The following ZNF521 variants were observed in gnomAD, a reference collection of about 807,000 sequenced individuals.
ZNF521 encodes zinc finger protein 521, also known as LYST-interacting protein 3.
Under a neutral mutation model 105.5 loss-of-function variants are expected in ZNF521, and 14 were observed. The ratio of observed to expected loss-of-function variants is 0.13; its 90% CI spans 0.09 to 0.21. The LOEUF (loss-of-function observed/expected upper bound fraction) is 0.21. ZNF521 is among the 10% of genes least tolerant of loss of function. ZNF521 has a pLI of 1.00. For synonymous variants in ZNF521, 635 were observed against 606.0 expected (o/e 1.05, Z -0.70); for missense variants, 1,233 against 1,629.7 (o/e 0.76, Z 4.19).
chr18:25,266,949 G>A (rs930872122), intron 3 of ZNF521, among the ~76,000 whole-genome samples: 2 of 152,168 alleles, frequency 1.3e-5, no homozygotes, highest in African/African-American at 4.8e-5. Context: ...CCTGGAAAGT[G>A]GGCTGAAGCC....
chr18:25,194,937 C>T (rs1243581384), intron 5 of ZNF521, among the ~76,000 whole-genome samples: 2 of 151,420 alleles, frequency 1.3e-5, no homozygotes, highest in East Asian at 1.9e-4. Flanking sequence ...TTTTGACTGG[C>T]AGTAGATATA....
intron 5 of ZNF521, among the ~76,000 whole-genome samples, chr18:25,140,430 ATC>A (rs1255009214): frequency 6.6e-6 from 1 of 152,188 alleles, no homozygotes; most frequent in Non-Finnish European, 1.5e-5. Flanking sequence ...ACGGCAGGAA[ATC>A]TGTCAGGGTA....
At position 25,127,440 on chromosome 18, in the gene ZNF521, T is replaced by C. The variant is rs1479684927; in HGVS notation, c.3659-35359A>G. Among the ~76,000 whole-genome samples the C allele has an allele frequency of 4.6e-5, 7 of 152,066 alleles. No homozygotes were observed. In the East Asian group the frequency reaches 1.2e-3, roughly 25 times the overall value. ...TACATGTATTAACTCATTCAAATAA[T>C]GGAAATAATAACTTTAGGATGTTAG... On this transcript the variant is annotated intron_variant, in intron 5 of 7. Coordinates refer to ENST00000361524, the MANE Select transcript of ZNF521 (RefSeq NM_015461.3).
chr18:25,076,394 A>T (rs1204263056), intron 7 of ZNF521, among the ~76,000 whole-genome samples: 1 of 152,198 alleles, frequency 6.6e-6, no homozygotes, highest in Non-Finnish European at 1.5e-5. Context: ...CACGCAATGG[A>T]TGTGAAACTT....
intron 5 of ZNF521, among the ~76,000 whole-genome samples, chr18:25,146,827 T>G (rs1026192922): frequency 2.6e-5 from 4 of 152,150 alleles, no homozygotes; most frequent in African/African-American, 7.2e-5. Flanking sequence ...CATATGATTT[T>G]TTACCCATGT....
chr18:25,073,660 T>C (rs935051607), intron 7 of ZNF521, among the ~76,000 whole-genome samples: 1 of 152,220 alleles, frequency 6.6e-6, no homozygotes, highest in Non-Finnish European at 1.5e-5. Context: ...GCCAAGACTC[T>C]TTCTGCTTTT....
intron 4 of ZNF521, chr18:25,224,004 C>A (rs1031345328): frequency 1.5e-5 from 4 of 274,078 alleles, no homozygotes; most frequent in African/African-American, 2.1e-5. Context: ...CTCTGCCATA[C>A]ACACAAGTCA....
intron 5 of ZNF521, among the ~76,000 whole-genome samples, chr18:25,156,361 C>A (rs2035144888): frequency 6.6e-6 from 1 of 152,192 alleles, no homozygotes; most frequent in South Asian, 2.1e-4. Context: ...CCTCTAGGTA[C>A]TTGCATTCTG....
chr18:25,313,096 C>T (rs7234848), intron 3 of ZNF521, among the ~76,000 whole-genome samples: 75,989 of 151,810 alleles, frequency 0.5, 19,168 homozygotes, highest in Admixed American at 0.53. Flanking sequence ...CCAATCAGAA[C>T]GGACACCAAT....
At chr18:25,292,069 T>C (rs1416240142) in intron 3 of ZNF521, among the ~76,000 whole-genome samples, 1 of 152,166 alleles carries the variant, frequency 6.6e-6, no homozygotes, top group Non-Finnish European at 1.5e-5. Flanking sequence ...GAAGAAAAAG[T>C]GCTATCCAAG....
intron 4 of ZNF521, chr18:25,202,079 G>C (rs565580694): frequency 6.6e-6 from 1 of 152,228 alleles, no homozygotes; most frequent in South Asian, 2.1e-4. Flanking sequence ...TGTTGTCAAA[G>C]GTGAGTAGTT....
At chr18:25,170,949 A>G (rs2035438646) in intron 5 of ZNF521, among the ~76,000 whole-genome samples, 1 of 152,166 alleles carries the variant, frequency 6.6e-6, no homozygotes, top group African/African-American at 2.4e-5. Context: ...TCCAGTATTA[A>G]GAAGTCAGTG....
intron 3 of ZNF521, among the ~76,000 whole-genome samples, chr18:25,294,367 A>C (rs992642750): frequency 3.9e-5 from 6 of 152,208 alleles, no homozygotes; most frequent in African/African-American, 1.4e-4. Context: ...ATTATGCTAC[A>C]AATTAGTTGT....
At chr18:25,290,416 C>A (rs1910944345) in intron 3 of ZNF521, among the ~76,000 whole-genome samples, 1 of 152,086 alleles carries the variant, frequency 6.6e-6, no homozygotes, top group Non-Finnish European at 1.5e-5. Flanking sequence ...TCATTCCAAG[C>A]ACTAACACCT....
At chr18:25,325,078 GGACCCTCTGGGAAGCGGGTTC>G in intron 2 of ZNF521, among the ~76,000 whole-genome samples, 1 of 152,294 alleles carries the variant, frequency 6.6e-6, no homozygotes, top group Non-Finnish European at 1.5e-5. Flanking sequence ...CACTTAAGAG[GGACCCTCTGGGAAGCGGGTTC>G]GATTATAGCC....
At chr18:25,139,011 T>C (rs529754273) in intron 5 of ZNF521, among the ~76,000 whole-genome samples, 2 of 152,266 alleles carry the variant, frequency 1.3e-5, no homozygotes, top group East Asian at 3.9e-4. Context: ...CTTTTCTATA[T>C]CAAGAAGAAT....
chr18:25,220,408 T>C (rs1905636559), intron 4 of ZNF521, among the ~76,000 whole-genome samples: 1 of 152,072 alleles, frequency 6.6e-6, no homozygotes, highest in South Asian at 2.1e-4. Flanking sequence ...GAGGATGCTG[T>C]AGAAAAGACG....
chr18:25,333,852 A>AC (rs1913727503), intron 2 of ZNF521, among the ~76,000 whole-genome samples: 1 of 152,242 alleles, frequency 6.6e-6, no homozygotes, highest in Non-Finnish European at 1.5e-5. Flanking sequence ...GTGTGGTATT[A>AC]CCAGGGGCTA....
At chr18:25,228,608 C>T (rs917805197) in intron 3 of ZNF521, among the ~76,000 whole-genome samples, 3 of 152,010 alleles carry the variant, frequency 2.0e-5, no homozygotes, top group African/African-American at 7.3e-5. Flanking sequence ...TGAGCAGAGA[C>T]AAAGCAACTT....
Sources: gnomAD v4.1 joint callset for allele counts (sites outside exome capture counted in the v4.1 genomes callset) on GRCh38, gnomAD v4.1.1 for gene constraint, MANE v1.5 for transcripts, NCBI Gene and HGNC (gene_info 2026-07-23, HGNC 2026-07-21) for gene names.